Variants in TMEM132D observed in about 807,000 individuals in gnomAD.
TMEM132D encodes transmembrane protein 132D, also known as mature OL transmembrane protein.
A neutral mutation model predicts 62.3 loss-of-function variants in TMEM132D; 21 were observed. That is an observed-to-expected ratio of 0.34 (90% CI 0.24 to 0.49). TMEM132D has a LOEUF of 0.49. TMEM132D is among the 20% of genes least tolerant of loss of function. The pLI is 0.99. For missense variants in TMEM132D, 1,346 were observed against 1,402.8 expected (o/e 0.96, Z 0.65); for synonymous variants, 621 against 575.6 (o/e 1.08, Z -1.13).
chr12:129,663,813 C>A (rs534572209), intron 2 of TMEM132D, among the ~76,000 whole-genome samples: 1 of 152,288 alleles, frequency 6.6e-6, no homozygotes, highest in Non-Finnish European at 1.5e-5. Flanking sequence ...CCACAAAATA[C>A]GCTGCTTTGC....
At chr12:129,150,192 AAGCCAT>A (rs1398079742) in intron 5 of TMEM132D, among the ~76,000 whole-genome samples, 2 of 152,292 alleles carry the variant, frequency 1.3e-5, no homozygotes, top group Admixed American at 1.3e-4. Flanking sequence ...GTATATTACA[AAGCCAT>A]CTACTGCAGC....
At chr12:129,108,197 C>A (rs1875565344) in intron 5 of TMEM132D, among the ~76,000 whole-genome samples, 1 of 152,134 alleles carries the variant, frequency 6.6e-6, no homozygotes, top group South Asian at 2.1e-4. Flanking sequence ...AATATTCTAT[C>A]CCTGAACGTC....
chr12:129,652,757 C>T (rs1879963495), intron 2 of TMEM132D, among the ~76,000 whole-genome samples: 1 of 152,214 alleles, frequency 6.6e-6, no homozygotes, highest in South Asian at 2.1e-4. Context: ...AACTGTAAGA[C>T]AACACGTTTG....
intron 3 of TMEM132D, among the ~76,000 whole-genome samples, chr12:129,397,675 T>C (rs1033115806): frequency 6.6e-6 from 1 of 152,230 alleles, no homozygotes; most frequent in Non-Finnish European, 1.5e-5. Context: ...GTGATTGTGA[T>C]TGGTTGATTG....
At chr12:129,677,696 A>C (rs376003976) in intron 2 of TMEM132D, among the ~76,000 whole-genome samples, 1 of 152,176 alleles carries the variant, frequency 6.6e-6, no homozygotes, top group African/African-American at 2.4e-5. Flanking sequence ...GGACAACAAT[A>C]AACATCCCAT....
chr12:129,276,239 G>T (rs909919156), intron 4 of TMEM132D, among the ~76,000 whole-genome samples: 2 of 152,046 alleles, frequency 1.3e-5, no homozygotes, highest in African/African-American at 2.4e-5. Flanking sequence ...ATTTCTCTTC[G>T]TATTATTACC....
At chr12:129,287,778 C>A (rs1386912399) in intron 4 of TMEM132D, among the ~76,000 whole-genome samples, 2 of 152,142 alleles carry the variant, frequency 1.3e-5, no homozygotes, top group Admixed American at 6.5e-5. Context: ...TATCTACTTT[C>A]CCTAGCACCA....
At chr12:129,089,952 C>T (rs530480183) in intron 5 of TMEM132D, among the ~76,000 whole-genome samples, 1 of 152,348 alleles carries the variant, frequency 6.6e-6, no homozygotes, top group Admixed American at 6.5e-5. Context: ...TAAAAACCTC[C>T]TTTTAGCACT....
chr12:129,883,191 A>G lies in TMEM132D; in HGVS notation c.79+20070T>C, dbSNP rs77691700. On this transcript the variant is annotated intron_variant, in intron 1 of 8. Coordinates refer to ENST00000422113, the MANE Select transcript of TMEM132D (RefSeq NM_133448.3). The stretch of plus-strand genomic sequence containing the variant: ...TTACTAAAACAAGTGAGTTTAACAC[A>G]TAAGGTCAACATACAAAACTCAATT... 2.8e-4 allele frequency among the ~76,000 whole-genome samples: 43 copies of G among 152,368 alleles called. No individual in the cohort carries two copies. The East Asian group carries it at 7.9e-3, about 28-fold the overall frequency.
At chr12:129,604,670 AC>A (rs1397414920) in intron 2 of TMEM132D, among the ~76,000 whole-genome samples, 1 of 152,210 alleles carries the variant, frequency 6.6e-6, no homozygotes, top group East Asian at 1.9e-4. Context: ...AATGCACCTA[AC>A]CAATTGGAAA....
intron 2 of TMEM132D, among the ~76,000 whole-genome samples, chr12:129,684,922 T>A (rs980823602): frequency 1.3e-5 from 2 of 152,136 alleles, no homozygotes; most frequent in Non-Finnish European, 2.9e-5. Context: ...ATTGAGAGAT[T>A]GAAATGATTT....
chr12:129,295,950 A>T (rs1395025257), intron 4 of TMEM132D, among the ~76,000 whole-genome samples: 1 of 152,096 alleles, frequency 6.6e-6, no homozygotes, highest in Non-Finnish European at 1.5e-5. Flanking sequence ...TTAATCCACA[A>T]ATGTGGAACT....
At chr12:129,190,675 T>C (rs1482604374) in intron 5 of TMEM132D, among the ~76,000 whole-genome samples, 1 of 151,646 alleles carries the variant, frequency 6.6e-6, no homozygotes, top group African/African-American at 2.4e-5. Flanking sequence ...GATATTCCCC[T>C]AGAACATCCA....
chr12:129,518,889 G>A (rs999363816), intron 3 of TMEM132D, among the ~76,000 whole-genome samples: 7 of 152,106 alleles, frequency 4.6e-5, no homozygotes, highest in African/African-American at 1.7e-4. Context: ...ATCCTAAAAT[G>A]TAGAAACAAA....
intron 1 of TMEM132D, among the ~76,000 whole-genome samples, chr12:129,830,039 C>A (rs1358065346): frequency 6.6e-6 from 1 of 152,136 alleles, no homozygotes; most frequent in Non-Finnish European, 1.5e-5. Flanking sequence ...TACAGAGTGG[C>A]ACAGAGCTCA....
intron 1 of TMEM132D, among the ~76,000 whole-genome samples, chr12:129,762,584 G>A (rs1870417938): frequency 6.6e-6 from 1 of 151,978 alleles, no homozygotes; most frequent in Non-Finnish European, 1.5e-5. Flanking sequence ...TAAGCACGGA[G>A]GGGAAACAGA....
At chr12:129,832,475 C>G (rs978967214) in intron 1 of TMEM132D, among the ~76,000 whole-genome samples, 1 of 152,060 alleles carries the variant, frequency 6.6e-6, no homozygotes. Flanking sequence ...AGCTTGCAGA[C>G]CCTGCACTAA....
intron 2 of TMEM132D, among the ~76,000 whole-genome samples, chr12:129,544,854 G>A (rs1302136310): frequency 1.3e-5 from 2 of 152,196 alleles, no homozygotes; most frequent in Non-Finnish European, 2.9e-5. Flanking sequence ...ACCCACATCG[G>A]TAGTTCTCTG....
intron 5 of TMEM132D, among the ~76,000 whole-genome samples, chr12:129,183,252 G>T (rs532010152): frequency 1.1e-4 from 17 of 152,334 alleles, no homozygotes; most frequent in African/African-American, 3.8e-4. Context: ...TACCATACCA[G>T]TCAACACGTG....
Sources: gnomAD v4.1 joint callset for allele counts (sites outside exome capture counted in the v4.1 genomes callset) on GRCh38, gnomAD v4.1.1 for gene constraint, MANE v1.5 for transcripts, NCBI Gene and HGNC (gene_info 2026-07-23, HGNC 2026-07-21) for gene names.